The following JAZF1 variants were observed in gnomAD, a reference collection of about 807,000 sequenced individuals.
The protein encoded by JAZF1 is JAZF zinc finger 1.
Under a neutral mutation model 26.4 loss-of-function variants are expected in JAZF1, and 8 were observed. That is an observed-to-expected ratio of 0.30 (90% CI 0.18 to 0.55). The LOEUF is 0.55. Ranked by LOEUF, JAZF1 falls within the 20% of genes least tolerant of loss-of-function variation. The pLI, the probability that JAZF1 is intolerant of heterozygous loss-of-function variation, is 0.94. For missense variants in JAZF1, 199 were observed against 322.0 expected, an observed-to-expected ratio of 0.62 and a Z score of 2.92; for synonymous variants, 126 against 122.3, an observed-to-expected ratio of 1.03 and a Z score of -0.20.
chr7:28,158,451 T>C (rs1462884092), intron 1 of JAZF1, among the ~76,000 whole-genome samples: 1 of 152,130 alleles, frequency 6.6e-6, no homozygotes, highest in African/African-American at 2.4e-5. Context: ...GGCACAAACA[T>C]CCTGGACCAC....
intron 1 of JAZF1, among the ~76,000 whole-genome samples, chr7:28,025,865 G>A (rs1583516330): frequency 6.6e-6 from 1 of 152,166 alleles, no homozygotes; most frequent in African/African-American, 2.4e-5. Context: ...CTAGCCAAAT[G>A]CACACTGTTA....
At chr7:27,947,966 T>C (rs1409891175) in intron 2 of JAZF1, among the ~76,000 whole-genome samples, 1 of 152,002 alleles carries the variant, frequency 6.6e-6, no homozygotes, top group Admixed American at 6.5e-5. Flanking sequence ...TTTCTTATCT[T>C]ACACTTAGGT....
intron 3 of JAZF1, among the ~76,000 whole-genome samples, chr7:27,857,005 G>A (rs1783270693): frequency 6.6e-6 from 1 of 152,260 alleles, no homozygotes; most frequent in South Asian, 2.1e-4. Context: ...AGTGGATCCT[G>A]CACCAGGGCC....
chr7:27,900,556 C>T (rs1413142735), intron 2 of JAZF1, among the ~76,000 whole-genome samples: 2 of 152,120 alleles, frequency 1.3e-5, no homozygotes, highest in African/African-American at 4.8e-5. Flanking sequence ...GACTTTTTTC[C>T]TCCCCAAGTC....
intron 3 of JAZF1, among the ~76,000 whole-genome samples, chr7:27,849,772 C>CACACACACACACACACACACACATAT (rs140580370): frequency 0.021 from 3,127 of 146,994 alleles, 112 homozygotes; most frequent in African/African-American, 0.076. Context: ...CACACACACA[C>CACACACACACACACACACACACATAT]ACCCCTACAC....
At chr7:28,021,471 A>C (rs1454714550) in intron 1 of JAZF1, among the ~76,000 whole-genome samples, 1 of 152,228 alleles carries the variant, frequency 6.6e-6, no homozygotes. Context: ...AATAACGTGT[A>C]GAACTGATAA....
chr7:27,847,778 C>T (rs964562975), intron 3 of JAZF1, among the ~76,000 whole-genome samples: 3 of 152,152 alleles, frequency 2.0e-5, no homozygotes, highest in African/African-American at 7.2e-5. Context: ...AGTGACTCTC[C>T]TGCCTCAACC....
intron 1 of JAZF1, among the ~76,000 whole-genome samples, chr7:28,122,033 T>C (rs1168955298): frequency 2.0e-5 from 3 of 152,218 alleles, no homozygotes; most frequent in Admixed American, 2.0e-4. Context: ...CTTTGAAGTA[T>C]AGAGACTTTC....
chr7:28,167,748 TA>T (rs1328009517), intron 1 of JAZF1, among the ~76,000 whole-genome samples: 1 of 152,226 alleles, frequency 6.6e-6, no homozygotes, highest in African/African-American at 2.4e-5. Context: ...AATACACTTT[TA>T]GGATTAAGGC....
At chr7:28,010,446 C>A (rs569189239) in intron 1 of JAZF1, among the ~76,000 whole-genome samples, 2 of 152,180 alleles carry the variant, frequency 1.3e-5, no homozygotes, top group African/African-American at 4.8e-5. Context: ...CCCTGCCACA[C>A]CCCTATAAAT....
At chr7:27,848,124 T>C (rs1227578324) in intron 3 of JAZF1, among the ~76,000 whole-genome samples, 1 of 152,252 alleles carries the variant, frequency 6.6e-6, no homozygotes, top group Non-Finnish European at 1.5e-5. Context: ...TGATAGGGAT[T>C]GCACTGATTC....
chr7:28,083,130 G>C (rs1404517880), intron 1 of JAZF1, among the ~76,000 whole-genome samples: 1 of 152,070 alleles, frequency 6.6e-6, no homozygotes, highest in Non-Finnish European at 1.5e-5. Context: ...TTGGCTTCTG[G>C]TAAGTTTTGC....
At chr7:28,160,705 T>C (rs73091214) in intron 1 of JAZF1, among the ~76,000 whole-genome samples, 10,596 of 152,226 alleles carry the variant, frequency 0.07, 502 homozygotes, top group Non-Finnish European at 0.1. Flanking sequence ...GGTCACGATA[T>C]ATTTATCGAA....
At chr7:27,965,169 C>T (rs373706451) in intron 2 of JAZF1, among the ~76,000 whole-genome samples, 1 of 152,204 alleles carries the variant, frequency 6.6e-6, no homozygotes, top group South Asian at 2.1e-4. Flanking sequence ...TAACTCTTGA[C>T]AGCACCAAAA....
chr7:28,137,331 G>C (rs1422811412), intron 1 of JAZF1, among the ~76,000 whole-genome samples: 1 of 152,178 alleles, frequency 6.6e-6, no homozygotes, highest in African/African-American at 2.4e-5. Flanking sequence ...GGGTGGACCA[G>C]AGGCACGGAG....
At chr7:27,861,476 G>C (rs1456771095) in intron 3 of JAZF1, among the ~76,000 whole-genome samples, 1 of 150,974 alleles carries the variant, frequency 6.6e-6, no homozygotes, top group Non-Finnish European at 1.5e-5. Flanking sequence ...TTCTAAAATA[G>C]CTCTCTGTCC....
chr7:27,970,125 T>C (rs1183463566), intron 2 of JAZF1, among the ~76,000 whole-genome samples: 1 of 152,190 alleles, frequency 6.6e-6, no homozygotes, highest in Non-Finnish European at 1.5e-5. Flanking sequence ...GCAAGTTCTT[T>C]GTAAAATAGA....
chr7:28,103,593 G>A (rs1314690155), intron 1 of JAZF1, among the ~76,000 whole-genome samples: 1 of 152,030 alleles, frequency 6.6e-6, no homozygotes, highest in African/African-American at 2.4e-5. Flanking sequence ...CCTCATCTTA[G>A]CGAATGCCAA....
chr7:27,914,128 G>A (rs1231220465), intron 2 of JAZF1, among the ~76,000 whole-genome samples: 1 of 152,166 alleles, frequency 6.6e-6, no homozygotes, highest in Non-Finnish European at 1.5e-5. Flanking sequence ...CCTGCTATCT[G>A]TTTGCTATGT....
Sources: gnomAD v4.1 joint callset for allele counts (sites outside exome capture counted in the v4.1 genomes callset) on GRCh38, gnomAD v4.1.1 for gene constraint, MANE v1.5 for transcripts, NCBI Gene and HGNC (gene_info 2026-07-23, HGNC 2026-07-21) for gene names.